PLXNA1: variants seen among roughly 807,000 people sequenced by gnomAD.
PLXNA1 encodes plexin A1, also known as plexin-A1.
A neutral mutation model predicts 191.7 loss-of-function variants in PLXNA1; 77 were observed. The observed-to-expected ratio is 0.40, with a 90% CI of 0.33 to 0.49. The LOEUF is 0.49. Ranked by LOEUF, PLXNA1 falls within the 20% of genes least tolerant of loss-of-function variation. PLXNA1 has a pLI of 0.63. For missense variants in PLXNA1, 2,110 were observed against 2,660.2 expected, an observed-to-expected ratio of 0.79 and a Z score of 4.55; for synonymous variants, 1,137 against 1,156.4, an observed-to-expected ratio of 0.98 and a Z score of 0.34.
At chr3:127,008,402 C>T (rs1008890383) in intron 9 of PLXNA1, among the ~76,000 whole-genome samples, 7 of 152,208 alleles carry the variant, frequency 4.6e-5, no homozygotes, top group Non-Finnish European at 1.5e-5. Context: ...AGTCACCAGG[C>T]GCTGAGTGGT....
chr3:127,004,784 G>C, intron 5 of PLXNA1, 73 bp downstream of exon 5: 1 of 1,593,970 alleles, frequency 6.3e-7, no homozygotes, highest in African/African-American at 1.3e-5. Context: ...GGGGGAGCCT[G>C]GTGCAGGGCA....
chr3:127,022,745 T>C lies in PLXNA1; in HGVS notation c.4296-7T>C. ...ACACCACTCTGCCCATATTCTGTGC[T>C]CCCCAGGACTGAGTCGGTGGCAGAG... On this transcript the variant is annotated splice_polypyrimidine_tract_variant and splice_region_variant and intron_variant, in intron 22 of 31. Coordinates refer to ENST00000393409, the MANE Select transcript of PLXNA1 (RefSeq NM_032242.4). 6.2e-7 allele frequency: 1 copy of C among 1,613,382 alleles called. No individual in the cohort carries two copies. Among genetic ancestry groups the C allele is most frequent in the Non-Finnish European group, 8.5e-7 (1 of 1,179,492 alleles).
chr3:126,991,683 A>C, intron 3 of PLXNA1, 117 bp downstream of exon 3: 3 of 1,128,698 alleles, frequency 2.7e-6, no homozygotes, highest in Non-Finnish European at 3.6e-6. Context: ...GATCTGGCGT[A>C]CAGGGGGCAG....
At chr3:127,033,630 G>A (rs533451241) in intron 31 of PLXNA1, among the ~76,000 whole-genome samples, 26 of 152,264 alleles carry the variant, frequency 1.7e-4, no homozygotes, top group Middle Eastern at 3.4e-3. Flanking sequence ...TGCTTTAAAG[G>A]GGCACAGAAA....
At chr3:127,021,751 C>T (rs1039129561) in intron 21 of PLXNA1, among the ~76,000 whole-genome samples, 1 of 152,208 alleles carries the variant, frequency 6.6e-6, no homozygotes, top group African/African-American at 2.4e-5. Flanking sequence ...TGAGCAGCCC[C>T]TCTCATTCTG....
intron 3 of PLXNA1, among the ~76,000 whole-genome samples, chr3:126,996,348 T>C (rs4679320): frequency 1 from 151,841 of 152,266 alleles, 75,712 homozygotes; most frequent in Middle Eastern, 1. Flanking sequence ...CTAGAAGCTT[T>C]CAGCATGCTT....
chr3:126,999,042 A>G (rs2079027478), intron 3 of PLXNA1, among the ~76,000 whole-genome samples: 1 of 152,168 alleles, frequency 6.6e-6, no homozygotes, highest in Non-Finnish European at 1.5e-5. Flanking sequence ...GAACCTGTCC[A>G]CAGCTGGAGG....
Position 127,030,338 on chromosome 3 carries a change from C to T in PLXNA1, c.5157C>T (p.Phe1719=), listed in dbSNP as rs765045058. 5.3e-5 allele frequency: 85 copies of T among 1,613,940 alleles called. No individual in the cohort carries two copies. The East Asian group carries it at 6.2e-4, about 12-fold the overall frequency. The change falls in exon 29 of 32, where the codon TTC becomes TTT. Residue 1719 remains phenylalanine, a synonymous_variant. Transcript: ENST00000393409. ...SALPLAIKYM[F]DFLDEQADKH... is the part of the protein sequence containing the mutation. ...TGCCGCTGGCCATCAAGTACATGTT[C>T]GACTTCCTGGATGAGCAGGCCGACA...
Position 127,015,262 on chromosome 3 carries a change from C to G in PLXNA1, c.2956C>G (p.Leu986Val), listed in dbSNP as rs762055461. 35 of 1,613,062 alleles carry G rather than the reference C, an allele frequency of 2.2e-5. No homozygotes were observed. Among genetic ancestry groups the G allele is most frequent in the Non-Finnish European group, 2.7e-5 (32 of 1,179,848 alleles). Residue 986 changes from leucine to valine, a missense_variant, in exon 15 of 32, where the codon CTG becomes GTG. This residue lies in a region of PLXNA1 where 644 missense variants were observed against 714.3 expected (regional missense o/e 0.90). Coordinates refer to ENST00000393409, the MANE Select transcript of PLXNA1 (RefSeq NM_032242.4). ...GTWIGIEGSH[L>V]NAGSDVAVSV... ...CTGGATTGGCATCGAGGGAAGCCAC[C>G]TGAACGCAGGCAGTGATGTGGCTGT...
chr3:127,022,651 G>C lies in PLXNA1; in HGVS notation c.4296-101G>C, dbSNP rs1274559267. 6 of 1,098,178 alleles carry C rather than the reference G, an allele frequency of 5.5e-6. No individual in the cohort carries two copies. In the Admixed American group the frequency reaches 1.0e-4, roughly 19 times the overall value. The allele number at this position is 1,098,178 out of a possible 1,614,324, so 68.0% of individuals were successfully genotyped here. Reference sequence around the variant, plus strand: ...CCTGACCTTCGGTGCTGTAGGAAGGGGGGCAGGGTGGGGTGGGATCGGTGA... The same window carrying C: ...CCTGACCTTCGGTGCTGTAGGAAGGCGGGCAGGGTGGGGTGGGATCGGTGA... On this transcript the variant is annotated intron_variant, in intron 22 of 31. Transcript: ENST00000393409.
chr3:126,989,323 A>G lies in PLXNA1; in HGVS notation c.730A>G (p.Ile244Val). ...GCTGTCCAAGTTCCCGGCCTTTGAC[A>G]TCTACTATGTGTACAGCTTCCGCAG... ...DTLSKFPAFD[I>V]YYVYSFRSEQ... is the part of the protein sequence containing the mutation. Residue 244 changes from isoleucine to valine, a missense_variant, in exon 2 of 32, where the codon ATC becomes GTC. Ile to Val is a conservative substitution (Grantham distance 29). Transcript: ENST00000393409. The G allele has an allele frequency of 6.2e-7, 1 of 1,613,664 alleles. No homozygotes were observed. Among genetic ancestry groups the G allele is most frequent in the Non-Finnish European group, 8.5e-7 (1 of 1,180,050 alleles).
intron 3 of PLXNA1, among the ~76,000 whole-genome samples, chr3:126,999,592 C>T (rs1416177280): frequency 5.3e-5 from 8 of 152,214 alleles, no homozygotes; most frequent in East Asian, 1.9e-4. Flanking sequence ...GCCCTCAGCC[C>T]GGAGAATGGG....
intron 3 of PLXNA1, among the ~76,000 whole-genome samples, chr3:126,999,195 GC>G (rs1020640469): frequency 1.3e-5 from 2 of 152,200 alleles, no homozygotes; most frequent in African/African-American, 4.8e-5. Flanking sequence ...GGCAGCAGAG[GC>G]TCCTGCCCCT....
chr3:127,014,595 A>G lies in PLXNA1; in HGVS notation c.2722A>G (p.Ser908Gly), dbSNP rs370453893. The change falls in exon 13 of 32, where the codon AGC becomes GGC. Residue 908 changes from serine to glycine, a missense_variant. Ser to Gly is a moderately conservative substitution (Grantham distance 56). Around this residue, in one of 4 missense-constraint regions of PLXNA1, gnomAD observed 644 missense variants for 714.3 expected, o/e 0.90. Coordinates refer to ENST00000393409, the MANE Select transcript of PLXNA1 (RefSeq NM_032242.4). The stretch of plus-strand genomic sequence containing the variant: ...CGTGCGCGTGGGCAAGGTGCTGTGC[A>G]GCCCTGTGGAGAGCGAGTACATCAG... ...LGVRVGKVLC[S>G]PVESEYISAE... 16 of 1,613,150 alleles carry G rather than the reference A, an allele frequency of 9.9e-6. No individual in the cohort carries two copies. Among genetic ancestry groups the G allele is most frequent in the Admixed American group, 1.7e-5 (1 of 59,998 alleles).
At position 127,037,043 on chromosome 3, in the gene PLXNA1, C is replaced by G. The variant is rs987561046; in HGVS notation, c.*3026C>G. 7 of 152,432 alleles carry G rather than the reference C, an allele frequency of 4.6e-5. No individual in the cohort carries two copies. The highest frequency in any genetic ancestry group is 4.6e-4 in the Admixed American group (7 of 15,290). 9.4% of individuals were successfully genotyped at this position (152,432 alleles called of 1,614,324 possible). On this transcript the variant is annotated 3_prime_UTR_variant, in exon 32 of 32. Coordinates refer to ENST00000393409, the MANE Select transcript of PLXNA1 (RefSeq NM_032242.4). The stretch of plus-strand genomic sequence containing the variant: ...GGAGCGGCGTGCCATCTCGGCTCGG[C>G]CTTGCTGAGAGCCTCCGCCCTGGCT...
intron 4 of PLXNA1, 70 bp from the exon 5 acceptor site, chr3:127,004,541 A>G: frequency 1.9e-6 from 2 of 1,032,046 alleles, no homozygotes; most frequent in Middle Eastern, 2.0e-4. Flanking sequence ...CAGAGTAGGG[A>G]GTCAGAGGTG....
intron 15 of PLXNA1, among the ~76,000 whole-genome samples, chr3:127,016,078 C>G (rs2079121921): frequency 6.6e-6 from 1 of 152,110 alleles, no homozygotes; most frequent in African/African-American, 2.4e-5. Context: ...CGCGCCAGGG[C>G]TTAGTCTCGC....
In PLXNA1 at chr3:127,018,504, C is replaced by T; in HGVS notation, c.3871C>T (p.Arg1291Cys). 6.2e-7 allele frequency: 1 copy of T among 1,610,738 alleles called. No homozygotes were observed. The highest frequency in any genetic ancestry group is 8.5e-7 in the Non-Finnish European group (1 of 1,178,156). ...LQLQMDNLES[R>C]VALECKEAFA... ...GCTCCAGATGGACAACCTGGAGTCC[C>T]GCGTGGCCCTCGAATGCAAGGAAGG... is the stretch of plus-strand genomic sequence containing the variant. Residue 1291 changes from arginine (R) to cysteine (C), a missense_variant, in exon 20 of 32, where the codon CGC becomes TGC. Transcript: ENST00000393409.
chr3:127,036,593 C>T lies in PLXNA1; in HGVS notation c.*2576C>T, dbSNP rs983196164. The stretch of plus-strand genomic sequence containing the variant: ...AGGTCGTGGAGTTAGGCCCCAGTCC[C>T]TACTTGTCACTGGTTCCCACTGTGC... On this transcript the variant is annotated 3_prime_UTR_variant, in exon 32 of 32. Transcript: ENST00000393409. The T allele has an allele frequency of 1.4e-4, 22 of 152,438 alleles. No individual in the cohort carries two copies. Among genetic ancestry groups the T allele is most frequent in the African/African-American group, 5.3e-4 (22 of 41,454 alleles). 9.4% of individuals were successfully genotyped at this position (152,438 alleles called of 1,614,324 possible).
Sources: gnomAD v4.1 joint callset for allele counts (sites outside exome capture counted in the v4.1 genomes callset) on GRCh38, gnomAD v4.1.1 for gene constraint, gnomAD v4.1.1 regional missense constraint, MANE v1.5 for transcripts, NCBI Gene and HGNC (gene_info 2026-07-23, HGNC 2026-07-21) for gene names.